The following CLSTN2 variants were observed in gnomAD, a reference collection of about 807,000 sequenced individuals.
CLSTN2 encodes the protein calsyntenin-2.
Under a neutral mutation model 101.2 loss-of-function variants are expected in CLSTN2, and 48 were observed. That is an observed-to-expected ratio of 0.47 (90% confidence interval 0.38 to 0.60). The LOEUF (loss-of-function observed/expected upper bound fraction) is 0.60, where lower values mean the gene tolerates loss of function less well. Ranked by LOEUF, CLSTN2 falls within the 20% of genes least tolerant of loss-of-function variation. CLSTN2 has a pLI of 0.00. For missense variants in CLSTN2, 1,160 were observed against 1,238.2 expected, an observed-to-expected ratio of 0.94 and a Z score of 0.95; for synonymous variants, 481 against 463.6, an observed-to-expected ratio of 1.04 and a Z score of -0.48.
At chr3:140,359,647 G>A (rs9838521) in intron 2 of CLSTN2, among the ~76,000 whole-genome samples, 56,195 of 152,004 alleles carry the variant, frequency 0.37, 12,021 homozygotes, top group Non-Finnish European at 0.49. Flanking sequence ...AAATGAAGGC[G>A]GACCTCACCT....
chr3:140,257,312 A>G (rs372948378), intron 2 of CLSTN2, among the ~76,000 whole-genome samples: 1 of 152,288 alleles, frequency 6.6e-6, no homozygotes, highest in Admixed American at 6.5e-5. Context: ...AAAGTGGAAA[A>G]TCATGACACT....
intron 2 of CLSTN2, among the ~76,000 whole-genome samples, chr3:140,302,998 G>A (rs2107910970): frequency 6.6e-6 from 1 of 152,296 alleles, no homozygotes; most frequent in East Asian, 1.9e-4. Flanking sequence ...GATGCACACA[G>A]CATAGCAGGC....
At chr3:140,548,876 C>T (rs1935656103) in intron 10 of CLSTN2, among the ~76,000 whole-genome samples, 1 of 151,882 alleles carries the variant, frequency 6.6e-6, no homozygotes, top group Admixed American at 6.6e-5. Context: ...GATGCTCACT[C>T]TGGAGACTGG....
At chr3:140,361,470 G>A (rs995856323) in intron 2 of CLSTN2, among the ~76,000 whole-genome samples, 3 of 152,056 alleles carry the variant, frequency 2.0e-5, no homozygotes, top group African/African-American at 7.2e-5. Context: ...CTAAACTAGT[G>A]ATCCTAGACA....
intron 7 of CLSTN2, among the ~76,000 whole-genome samples, chr3:140,463,027 A>T (rs1320916377): frequency 6.6e-6 from 1 of 152,196 alleles, no homozygotes; most frequent in East Asian, 1.9e-4. Flanking sequence ...GGTTAGGTGA[A>T]CACATAGCCA....
At chr3:140,323,901 CA>C (rs1304925485) in intron 2 of CLSTN2, among the ~76,000 whole-genome samples, 2 of 152,214 alleles carry the variant, frequency 1.3e-5, no homozygotes, top group Non-Finnish European at 2.9e-5. Context: ...CTTTTCTTCA[CA>C]ACATGGCTGC....
At chr3:140,052,824 T>A (rs2008023047) in intron 1 of CLSTN2, among the ~76,000 whole-genome samples, 1 of 152,244 alleles carries the variant, frequency 6.6e-6, no homozygotes, top group Non-Finnish European at 1.5e-5. Flanking sequence ...TCACAGGCTG[T>A]GTGGTCTTGG....
intron 16 of CLSTN2, 123 bp from the exon 17 acceptor site, chr3:140,565,930 T>C (rs946390956): frequency 1.8e-5 from 22 of 1,201,786 alleles, no homozygotes; most frequent in Middle Eastern, 5.3e-4. Flanking sequence ...TGAAGAGTTT[T>C]GCACTAAAAG....
At chr3:140,142,132 G>T (rs374951569) in intron 1 of CLSTN2, among the ~76,000 whole-genome samples, 3 of 152,184 alleles carry the variant, frequency 2.0e-5, no homozygotes, top group Admixed American at 6.5e-5. Context: ...GAGACAAGTG[G>T]GCTAGGAGGT....
chr3:140,428,443 C>T (rs565578431), intron 5 of CLSTN2, among the ~76,000 whole-genome samples: 11 of 152,130 alleles, frequency 7.2e-5, no homozygotes, highest in African/African-American at 1.2e-4. Context: ...AGAGAGCCAC[C>T]GGAGACTTTC....
chr3:139,976,249 T>C (rs1332948946), intron 1 of CLSTN2, among the ~76,000 whole-genome samples: 3 of 152,182 alleles, frequency 2.0e-5, no homozygotes, highest in African/African-American at 4.8e-5. Context: ...CCTTTGCTGA[T>C]GTACCCTGAT....
chr3:140,060,655 C>T (rs555142249), intron 1 of CLSTN2, among the ~76,000 whole-genome samples: 5 of 152,216 alleles, frequency 3.3e-5, no homozygotes, highest in Admixed American at 2.0e-4. Flanking sequence ...ACTGTTAGAG[C>T]CAGCCCTGTA....
chr3:140,377,636 T>C (rs1013437520), intron 2 of CLSTN2, among the ~76,000 whole-genome samples: 2 of 152,134 alleles, frequency 1.3e-5, no homozygotes, highest in African/African-American at 2.4e-5. Flanking sequence ...AAAATACTAA[T>C]ATAAAGAAAG....
intron 1 of CLSTN2, among the ~76,000 whole-genome samples, chr3:140,090,114 G>T (rs759859580): frequency 2.3e-4 from 35 of 149,858 alleles, no homozygotes; most frequent in Non-Finnish European, 3.8e-4. Flanking sequence ...ATGGAGGGGA[G>T]GTTATCTTGG....
intron 1 of CLSTN2, among the ~76,000 whole-genome samples, chr3:140,151,030 T>C (rs2009856660): frequency 1.3e-5 from 2 of 152,058 alleles, no homozygotes; most frequent in South Asian, 4.2e-4. Flanking sequence ...ATCTTCACAA[T>C]GGAAGGCCTG....
chr3:140,105,322 G>A (rs896868460), intron 1 of CLSTN2, among the ~76,000 whole-genome samples: 1 of 152,210 alleles, frequency 6.6e-6, no homozygotes, highest in Non-Finnish European at 1.5e-5. Context: ...TGATGCCCAA[G>A]TGAGCACAGT....
At chr3:140,563,301 G>T in intron 15 of CLSTN2, 98 bp downstream of exon 15, 1 of 1,402,170 alleles carries the variant, frequency 7.1e-7, no homozygotes, top group Non-Finnish European at 9.8e-7. Context: ...AAACGTAGGT[G>T]CCCAGAACTG....
At chr3:140,533,603 C>T (rs1002903138) in intron 9 of CLSTN2, among the ~76,000 whole-genome samples, 35 of 147,892 alleles carry the variant, frequency 2.4e-4, no homozygotes, top group East Asian at 1.4e-3. Flanking sequence ...CCCAGCTACT[C>T]GGGAGGCTGA....
intron 2 of CLSTN2, among the ~76,000 whole-genome samples, chr3:140,376,442 T>G (rs1041139336): frequency 1.3e-5 from 2 of 152,226 alleles, no homozygotes; most frequent in African/African-American, 4.8e-5. Flanking sequence ...TGTGGCAGCA[T>G]CACAGCCTCC....
Sources: allele counts gnomAD v4.1 joint callset (sites outside exome capture counted in the v4.1 genomes callset), GRCh38; gene constraint gnomAD v4.1.1; transcripts MANE v1.5; gene names NCBI Gene and HGNC (gene_info 2026-07-23, HGNC 2026-07-21).